RNGTT: variants seen among roughly 807,000 people sequenced by gnomAD.
The protein encoded by RNGTT is mRNA-capping enzyme.
A neutral mutation model predicts 79.3 loss-of-function variants in RNGTT; 33 were observed. The observed-to-expected ratio is 0.42, with a 90% confidence interval of 0.32 to 0.56. The LOEUF is 0.56. RNGTT is among the 20% of genes least tolerant of loss of function. The pLI is 0.17. For missense variants in RNGTT, 497 were observed against 739.1 expected (o/e 0.67, Z 3.80); for synonymous variants, 222 against 235.9 (o/e 0.94, Z 0.54).
intron 6 of RNGTT, among the ~76,000 whole-genome samples, chr6:88,894,874 T>C (rs1213827048): frequency 2.6e-5 from 4 of 151,976 alleles, no homozygotes; most frequent in African/African-American, 9.7e-5. Context: ...CAAGACCAGC[T>C]TGGGCAACAC....
At chr6:88,819,678 A>C (rs1016228869) in intron 11 of RNGTT, among the ~76,000 whole-genome samples, 7 of 152,016 alleles carry the variant, frequency 4.6e-5, no homozygotes, top group Non-Finnish European at 2.9e-5. Context: ...TGGACAATCT[A>C]CTCAGCATCC....
At chr6:88,691,888 A>G (rs1224115474) in intron 13 of RNGTT, among the ~76,000 whole-genome samples, 2 of 152,204 alleles carry the variant, frequency 1.3e-5, no homozygotes, top group Admixed American at 1.3e-4. Context: ...ATAGTGATAG[A>G]TGAATATTTT....
intron 13 of RNGTT, among the ~76,000 whole-genome samples, chr6:88,722,603 A>G (rs1776743685): frequency 6.6e-6 from 1 of 152,234 alleles, no homozygotes; most frequent in Admixed American, 6.5e-5. Context: ...ACTTGGTAGT[A>G]AAAAGTTGCT....
intron 12 of RNGTT, among the ~76,000 whole-genome samples, chr6:88,798,925 C>T (rs1779690162): frequency 6.6e-6 from 1 of 152,114 alleles, no homozygotes; most frequent in South Asian, 2.1e-4. Context: ...AGAACTAATA[C>T]TTAATTCAAT....
chr6:88,819,476 A>T (rs1345306610), intron 11 of RNGTT, among the ~76,000 whole-genome samples: 1 of 152,240 alleles, frequency 6.6e-6, no homozygotes, highest in East Asian at 1.9e-4. Context: ...TAGGATCTGC[A>T]TTCTCCTAGA....
chr6:88,944,058 T>G (rs1784931479), intron 1 of RNGTT, among the ~76,000 whole-genome samples: 1 of 152,192 alleles, frequency 6.6e-6, no homozygotes, highest in African/African-American at 2.4e-5. Flanking sequence ...ATTTTACATC[T>G]TTTCCTCATT....
intron 13 of RNGTT, among the ~76,000 whole-genome samples, chr6:88,727,391 G>A (rs1487674203): frequency 6.6e-6 from 1 of 152,178 alleles, no homozygotes; most frequent in African/African-American, 2.4e-5. Flanking sequence ...AATTCTGTGT[G>A]TAAACATATT....
intron 13 of RNGTT, among the ~76,000 whole-genome samples, chr6:88,745,804 T>C (rs1489200780): frequency 3.3e-5 from 5 of 151,944 alleles, no homozygotes; most frequent in Non-Finnish European, 5.9e-5. Context: ...ATTCTTGCCC[T>C]GGCTTTCAAA....
intron 14 of RNGTT, among the ~76,000 whole-genome samples, chr6:88,647,270 T>A (rs899314840): frequency 4.6e-5 from 7 of 152,150 alleles, no homozygotes; most frequent in African/African-American, 1.7e-4. Context: ...ACTTATAGTT[T>A]ATAAATAATA....
At chr6:88,746,428 T>C (rs1303354915) in intron 13 of RNGTT, among the ~76,000 whole-genome samples, 1 of 152,214 alleles carries the variant, frequency 6.6e-6, no homozygotes, top group African/African-American at 2.4e-5. Flanking sequence ...CAGAAGGGCC[T>C]ATTGCTATCT....
chr6:88,723,496 T>A (rs1373896966), intron 13 of RNGTT, among the ~76,000 whole-genome samples: 1 of 152,194 alleles, frequency 6.6e-6, no homozygotes. Context: ...TCATACTTTC[T>A]CTAATAAATC....
chr6:88,690,376 G>A (rs908112156), intron 13 of RNGTT, among the ~76,000 whole-genome samples: 3 of 151,516 alleles, frequency 2.0e-5, no homozygotes, highest in African/African-American at 7.3e-5. Flanking sequence ...AAATATTTTT[G>A]CAACTTTTCT....
intron 14 of RNGTT, among the ~76,000 whole-genome samples, chr6:88,652,339 G>C (rs1350739055): frequency 6.6e-6 from 1 of 152,044 alleles, no homozygotes; most frequent in South Asian, 2.1e-4. Flanking sequence ...CTGCAAACTT[G>C]TCATTTTATT....
intron 8 of RNGTT, among the ~76,000 whole-genome samples, chr6:88,856,880 A>G (rs751748814): frequency 6.6e-6 from 1 of 152,216 alleles, no homozygotes; most frequent in African/African-American, 2.4e-5. Context: ...GTATATAACT[A>G]TGATGCAATA....
chr6:88,950,455 T>G (rs575303421), intron 1 of RNGTT, among the ~76,000 whole-genome samples: 1 of 152,260 alleles, frequency 6.6e-6, no homozygotes, highest in South Asian at 2.1e-4. Flanking sequence ...ATTCCTCTGA[T>G]GAATCTGGGC....
At chr6:88,878,149 G>A (rs758824023) in intron 8 of RNGTT, among the ~76,000 whole-genome samples, 1 of 151,994 alleles carries the variant, frequency 6.6e-6, no homozygotes, top group Non-Finnish European at 1.5e-5. Context: ...AGGCTGAAGT[G>A]TAGTGGTACA....
chr6:88,831,177 G>A (rs1780850984), intron 11 of RNGTT, among the ~76,000 whole-genome samples: 2 of 152,104 alleles, frequency 1.3e-5, no homozygotes, highest in Non-Finnish European at 2.9e-5. Flanking sequence ...GAACACAGAT[G>A]CAAAAATCCC....
At chr6:88,689,645 C>T (rs1218335713) in intron 13 of RNGTT, among the ~76,000 whole-genome samples, 1 of 148,968 alleles carries the variant, frequency 6.7e-6, no homozygotes, top group African/African-American at 2.5e-5. Context: ...TGAGAAGAGA[C>T]AGTTCTTGTT....
intron 11 of RNGTT, among the ~76,000 whole-genome samples, chr6:88,803,591 A>C (rs1215569283): frequency 6.6e-6 from 1 of 151,568 alleles, no homozygotes; most frequent in Non-Finnish European, 1.5e-5. Flanking sequence ...AAAAAAAAAA[A>C]AAAAAACTAA....
Sources: allele counts gnomAD v4.1 joint callset (sites outside exome capture counted in the v4.1 genomes callset), GRCh38; gene constraint gnomAD v4.1.1; transcripts MANE v1.5; gene names NCBI Gene and HGNC (gene_info 2026-07-23, HGNC 2026-07-21).